Variants in TMPRSS7 observed in about 807,000 individuals in gnomAD.
TMPRSS7 encodes the protein transmembrane serine protease 7.
TMPRSS7 carries 81 observed loss-of-function variants against 95.6 expected under a neutral mutation model. The observed-to-expected ratio is 0.85, with a 90% CI of 0.71 to 1.02. The LOEUF (loss-of-function observed/expected upper bound fraction) is 1.02, where lower values mean the gene tolerates loss of function less well. TMPRSS7 is among the 50% of genes least tolerant of loss of function. The probability of loss-of-function intolerance (pLI) is 0.00; values close to 1 mark genes in which losing one functional copy is unlikely to be tolerated. For synonymous variants in TMPRSS7, 364 were observed against 337.8 expected, an observed-to-expected ratio of 1.08 and a Z score of -0.85; for missense variants, 945 against 955.2, an observed-to-expected ratio of 0.99 and a Z score of 0.14.
At chr3:112,078,625 A>AG in intron 16 of TMPRSS7, 117 bp from the exon 17 acceptor site, 1 of 1,343,152 alleles carries the variant, frequency 7.4e-7, no homozygotes, top group African/African-American at 1.4e-5. Context: ...ATTTACCTCA[A>AG]GGGAATTGCC....
At chr3:112,072,245 C>T (rs2073657649) in intron 13 of TMPRSS7, among the ~76,000 whole-genome samples, 1 of 152,190 alleles carries the variant, frequency 6.6e-6, no homozygotes, top group Non-Finnish European at 1.5e-5. Context: ...GAGGTCTACT[C>T]CAGATGCTGT....
rs759266488 is a variant in TMPRSS7, at chr3:112,061,674, G to C, written c.1311-113G>C. 5 of 1,138,504 alleles carry C rather than the reference G, an allele frequency of 4.4e-6. No homozygotes were observed. The Admixed American group carries it at 1.1e-4, about 25-fold the overall frequency. 70.5% of individuals were successfully genotyped at this position (1,138,504 alleles called of 1,614,324 possible). A position where few individuals can be genotyped will look rare whatever the true frequency, so the allele number is the denominator to read the frequency against. On this transcript the variant is annotated intron_variant, in intron 10 of 17. Coordinates refer to ENST00000452346, the Ensembl canonical transcript of TMPRSS7. ...ATAACTACCATTAGCTCTACCATAC[G>C]CATCTCTGTTTGTGAAAACCAAATG...
intron 13 of TMPRSS7, among the ~76,000 whole-genome samples, chr3:112,069,675 C>T (rs983184410): frequency 1.3e-5 from 2 of 151,650 alleles, no homozygotes; most frequent in Non-Finnish European, 2.9e-5. Flanking sequence ...GTGATATCCC[C>T]TTTATCATTT....
chr3:112,057,420 G>T (rs2107749209), intron 10 of TMPRSS7, among the ~76,000 whole-genome samples: 1 of 152,276 alleles, frequency 6.6e-6, no homozygotes, highest in African/African-American at 2.4e-5. Flanking sequence ...TCAAATCCTG[G>T]ATCCATGGGG....
At chr3:112,038,280 T>A (rs1429998780) in exon 2 of TMPRSS7, 5 of 702,778 alleles carry the variant, frequency 7.1e-6, no homozygotes, top group Non-Finnish European at 1.3e-5. Flanking sequence ...TTTTTATTCA[T>A]CCTAGCAGTC....
At chr3:112,037,541 T>A (rs377081553) in intron 1 of TMPRSS7, among the ~76,000 whole-genome samples, 76 of 152,344 alleles carry the variant, frequency 5.0e-4, no homozygotes, top group African/African-American at 1.8e-3. Context: ...GACCTTGTGA[T>A]CTTGCTCTGA....
chr3:112,063,452 T>C, intron 11 of TMPRSS7, 73 bp from the exon 12 acceptor site: 1 of 1,145,926 alleles, frequency 8.7e-7, no homozygotes, highest in Non-Finnish European at 1.3e-6. Flanking sequence ...ACACTTTAAA[T>C]TTGCTAATGT....
chr3:112,071,775 G>A (rs1022225534), intron 13 of TMPRSS7, among the ~76,000 whole-genome samples: 15 of 152,130 alleles, frequency 9.9e-5, no homozygotes, highest in Non-Finnish European at 1.9e-4. Context: ...CGTAGTTCTC[G>A]TGCCATAGTT....
At chr3:112,037,680 C>G (rs902638635) in intron 1 of TMPRSS7, among the ~76,000 whole-genome samples, 1 of 152,176 alleles carries the variant, frequency 6.6e-6, no homozygotes, top group Admixed American at 6.5e-5. Context: ...GAGGGGGCAT[C>G]ATGGAACCTG....
At chr3:112,055,790 A>G (rs932028616) in intron 9 of TMPRSS7, among the ~76,000 whole-genome samples, 1 of 152,234 alleles carries the variant, frequency 6.6e-6, no homozygotes, top group African/African-American at 2.4e-5. Flanking sequence ...GCAATTTATA[A>G]TGATGAAGAC....
chr3:112,051,183 G>T (rs1206368539), intron 9 of TMPRSS7, among the ~76,000 whole-genome samples: 1 of 151,958 alleles, frequency 6.6e-6, no homozygotes, highest in Non-Finnish European at 1.5e-5. Flanking sequence ...GGCATCCGTG[G>T]ATTAAACCAA....
chr3:112,041,570 TACCA>T (rs2073209192), intron 2 of TMPRSS7, among the ~76,000 whole-genome samples: 2 of 152,010 alleles, frequency 1.3e-5, no homozygotes, highest in Admixed American at 6.6e-5. Context: ...CAAAATAAAT[TACCA>T]TTTATTCCTT....
chr3:112,060,603 A>G (rs185152385), intron 10 of TMPRSS7, among the ~76,000 whole-genome samples: 44 of 152,352 alleles, frequency 2.9e-4, no homozygotes, highest in Middle Eastern at 3.4e-3. Context: ...ACCAGCGGTC[A>G]GAGTTTAAGG....
chr3:112,056,377 C>T (rs1310144243), intron 9 of TMPRSS7, among the ~76,000 whole-genome samples: 2 of 152,208 alleles, frequency 1.3e-5, no homozygotes, highest in East Asian at 3.9e-4. Flanking sequence ...ATTCCTGGGT[C>T]AAAGTGAAAA....
intron 2 of TMPRSS7, among the ~76,000 whole-genome samples, chr3:112,040,050 C>T (rs1444634700): frequency 6.6e-6 from 1 of 152,072 alleles, no homozygotes; most frequent in African/African-American, 2.4e-5. Context: ...TGCCCCCACC[C>T]CCACATTTGG....
intron 1 of TMPRSS7, among the ~76,000 whole-genome samples, chr3:112,037,444 G>C (rs546433732): frequency 6.6e-6 from 1 of 152,288 alleles, no homozygotes; most frequent in African/African-American, 2.4e-5. Context: ...CTCTGCTCTT[G>C]AACCCTGTTT....
At chr3:112,077,254 C>A (rs1272578429) in intron 16 of TMPRSS7, 110 bp downstream of exon 16, 1 of 1,221,212 alleles carries the variant, frequency 8.2e-7, no homozygotes, top group Non-Finnish European at 1.1e-6. Context: ...CTCCTTTGAA[C>A]CTCCTGACAA....
At chr3:112,053,142 A>G (rs2073383154) in intron 9 of TMPRSS7, among the ~76,000 whole-genome samples, 1 of 150,102 alleles carries the variant, frequency 6.7e-6, no homozygotes, top group African/African-American at 2.5e-5. Context: ...ATCAGTGTAA[A>G]ATTGACTTTT....
chr3:112,063,511 T>C lies in TMPRSS7; in HGVS notation c.1448-14T>C, dbSNP rs187863183. Reference sequence around the variant, plus strand: ...TCCAAGATTTTCTATTTTTTGATTTTTTGTTGCCCATAGCCTGCCCTGTTG... The same window carrying C: ...TCCAAGATTTTCTATTTTTTGATTTCTTGTTGCCCATAGCCTGCCCTGTTG... On this transcript the variant is annotated splice_polypyrimidine_tract_variant and intron_variant, in intron 11 of 17. Transcript: ENST00000452346. 2.5e-6 allele frequency: 4 copies of C among 1,607,124 alleles called. No individual in the cohort carries two copies. In the East Asian group the frequency reaches 8.9e-5, roughly 36 times the overall value.
Sources: gnomAD v4.1 joint callset for allele counts (sites outside exome capture counted in the v4.1 genomes callset) on GRCh38, gnomAD v4.1.1 for gene constraint, MANE v1.5 for transcripts, NCBI Gene and HGNC (gene_info 2026-07-23, HGNC 2026-07-21) for gene names.